Variants in WWOX observed in about 807,000 individuals in gnomAD.
WWOX encodes WW domain containing oxidoreductase.
A neutral mutation model predicts 46.2 loss-of-function variants in WWOX; 69 were observed. The observed-to-expected ratio is 1.49, with a 90% CI of 1.23 to 1.82. The LOEUF is 1.82. Ranked by LOEUF, WWOX falls within the 40% of genes most tolerant of loss-of-function variation. WWOX has a pLI of 0.00. For missense variants in WWOX, 919 were observed against 542.6 expected (o/e 1.69, Z -6.89); for synonymous variants, 359 against 202.6 (o/e 1.77, Z -6.56).
chr16:78,323,395 GC>G (rs2080533465), intron 5 of WWOX, among the ~76,000 whole-genome samples: 1 of 152,192 alleles, frequency 6.6e-6, no homozygotes, highest in African/African-American at 2.4e-5. Flanking sequence ...GTGAGCCACT[GC>G]GCCCGGCCGG....
At chr16:78,669,173 A>T (rs1275468290) in intron 8 of WWOX, among the ~76,000 whole-genome samples, 1 of 152,160 alleles carries the variant, frequency 6.6e-6, no homozygotes, top group Non-Finnish European at 1.5e-5. Context: ...CAGAACCGGA[A>T]GACAAAAAAC....
rs1036230716 is a variant in WWOX, at chr16:78,545,433, G to A, written c.1056+112681G>A. ...GGATTTCATTATGTTGCCCAGGTTGGCCTCAAAGTCCTGGGATGAAGAGCT... is the reference window on the plus strand; with the variant it reads ...GGATTTCATTATGTTGCCCAGGTTGACCTCAAAGTCCTGGGATGAAGAGCT... On this transcript the variant is annotated intron_variant, in intron 8 of 8. Transcript: ENST00000566780. Among the ~76,000 whole-genome samples the A allele has an allele frequency of 4.6e-5, 7 of 152,186 alleles. 1 individual carries two copies. The highest frequency in any genetic ancestry group is 3.3e-4 in the Admixed American group (5 of 15,276).
At chr16:78,583,097 TAGG>T (rs747814489) in intron 8 of WWOX, among the ~76,000 whole-genome samples, 1 of 152,206 alleles carries the variant, frequency 6.6e-6, no homozygotes, top group Non-Finnish European at 1.5e-5. Context: ...AGATGGGAGT[TAGG>T]AGAAGTGAAT....
At chr16:78,909,455 A>C (rs1424966411) in intron 8 of WWOX, among the ~76,000 whole-genome samples, 1 of 152,192 alleles carries the variant, frequency 6.6e-6, no homozygotes, top group Non-Finnish European at 1.5e-5. Context: ...CTATTACACA[A>C]GTGTCAAAAC....
intron 8 of WWOX, among the ~76,000 whole-genome samples, chr16:78,696,312 A>T (rs180901297): frequency 1.9e-3 from 287 of 152,276 alleles, no homozygotes; most frequent in Non-Finnish European, 3.4e-3. Context: ...ATAGCAGCTG[A>T]GATTTAGGCT....
Position 78,904,395 on chromosome 16 carries a change from C to T in WWOX, c.1057-307213C>T, listed in dbSNP as rs537178225. ...CTGGGACAAGAGGAGCACACCACTG[C>T]GCCCAGCTAATTTTTGTATTTTTAG... On this transcript the variant is annotated intron_variant, in intron 8 of 8. Coordinates refer to ENST00000566780, the MANE Select transcript of WWOX (RefSeq NM_016373.4). Among the ~76,000 whole-genome samples the T allele has an allele frequency of 1.8e-3, 273 of 152,036 alleles. 1 individual carries two copies. The highest frequency in any genetic ancestry group is 6.3e-3 in the African/African-American group (260 of 41,458).
intron 8 of WWOX, among the ~76,000 whole-genome samples, chr16:79,141,931 G>T (rs1035897431): frequency 2.6e-5 from 4 of 152,184 alleles, no homozygotes; most frequent in South Asian, 2.1e-4. Flanking sequence ...TGACTCTCCA[G>T]TGCTTCTTGG....
chr16:78,876,499 G>A (rs2151209175), intron 8 of WWOX, among the ~76,000 whole-genome samples: 1 of 151,396 alleles, frequency 6.6e-6, no homozygotes, highest in Admixed American at 6.6e-5. Flanking sequence ...GGAGTTTCAA[G>A]GGTAAGATCT....
chr16:78,993,917 A>G (rs991129184), intron 8 of WWOX, among the ~76,000 whole-genome samples: 1 of 152,020 alleles, frequency 6.6e-6, no homozygotes, highest in Middle Eastern at 3.2e-3. Context: ...TTTCCAGTGT[A>G]TGTGACCGCT....
At chr16:78,702,602 C>A (rs1319101962) in intron 8 of WWOX, among the ~76,000 whole-genome samples, 11 of 150,784 alleles carry the variant, frequency 7.3e-5, no homozygotes, top group African/African-American at 2.7e-4. Context: ...TTGTAGTGAG[C>A]TGAGATTGCA....
intron 1 of WWOX, among the ~76,000 whole-genome samples, chr16:78,105,752 C>T (rs2032099202): frequency 6.6e-6 from 1 of 152,172 alleles, no homozygotes; most frequent in African/African-American, 2.4e-5. Context: ...CTATGCCAGC[C>T]TGCCTGCCAA....
At chr16:78,334,981 A>G (rs1337196274) in intron 5 of WWOX, among the ~76,000 whole-genome samples, 1 of 151,964 alleles carries the variant, frequency 6.6e-6, no homozygotes, top group Admixed American at 6.6e-5. Flanking sequence ...AGATACACGA[A>G]GACAGAGACC....
At chr16:78,912,620 A>G (rs2045141253) in intron 8 of WWOX, among the ~76,000 whole-genome samples, 1 of 152,044 alleles carries the variant, frequency 6.6e-6, no homozygotes, top group African/African-American at 2.4e-5. Context: ...AACACCTTGT[A>G]GAATTTCATT....
At chr16:79,074,468 G>A (rs1418494141) in intron 8 of WWOX, among the ~76,000 whole-genome samples, 2 of 105,378 alleles carry the variant, frequency 1.9e-5, no homozygotes, top group Non-Finnish European at 1.8e-5. Flanking sequence ...ATTTGGAGAG[G>A]CTGGCTGACC....
chr16:79,204,577 C>T (rs200576570), intron 8 of WWOX: 1 of 152,086 alleles, frequency 6.6e-6, no homozygotes, highest in African/African-American at 2.4e-5. Context: ...TTCTGGAACA[C>T]GAAGGAGGTA....
At chr16:78,860,043 A>C (rs889131112) in intron 8 of WWOX, among the ~76,000 whole-genome samples, 1 of 152,340 alleles carries the variant, frequency 6.6e-6, no homozygotes, top group South Asian at 2.1e-4. Flanking sequence ...AGTTCTCAAA[A>C]GAAAAATTGT....
intron 8 of WWOX, among the ~76,000 whole-genome samples, chr16:78,983,076 A>T (rs2046714443): frequency 6.6e-6 from 1 of 152,154 alleles, no homozygotes; most frequent in Non-Finnish European, 1.5e-5. Context: ...TTCTTGTGGA[A>T]GTGGGCTTGT....
intron 5 of WWOX, among the ~76,000 whole-genome samples, chr16:78,315,835 A>G (rs994386586): frequency 1.3e-5 from 2 of 152,130 alleles, no homozygotes; most frequent in East Asian, 1.9e-4. Context: ...AAAAAAATAC[A>G]TAGAAGATAA....
chr16:78,250,098 C>A (rs1035120056), intron 5 of WWOX, among the ~76,000 whole-genome samples: 1 of 152,180 alleles, frequency 6.6e-6, no homozygotes, highest in South Asian at 2.1e-4. Flanking sequence ...GCTCTGTGAC[C>A]TTGGCAGCTG....
Sources: gnomAD v4.1 joint callset for allele counts (sites outside exome capture counted in the v4.1 genomes callset) on GRCh38, gnomAD v4.1.1 for gene constraint, MANE v1.5 for transcripts, NCBI Gene and HGNC (gene_info 2026-07-23, HGNC 2026-07-21) for gene names.